Variants in DAB1 observed in about 807,000 individuals in gnomAD.
DAB1 encodes disabled homolog 1.
A neutral mutation model predicts 64.6 loss-of-function variants in DAB1; 15 were observed. That is an observed-to-expected ratio of 0.23 (90% confidence interval 0.16 to 0.36). The LOEUF (loss-of-function observed/expected upper bound fraction) is 0.36. Among genes scored for constraint, DAB1 ranks in the 10% least tolerant of loss-of-function variants. The probability of loss-of-function intolerance (pLI) is 1.00; values close to 1 mark genes in which losing one functional copy is unlikely to be tolerated. For missense variants in DAB1, 596 were observed against 706.7 expected (o/e 0.84, Z 1.78); for synonymous variants, 235 against 251.9 (o/e 0.93, Z 0.64).
At chr1:58,512,793 T>C (rs1646100894) in intron 2 of DAB1, among the ~76,000 whole-genome samples, 1 of 152,180 alleles carries the variant, frequency 6.6e-6, no homozygotes. Flanking sequence ...AAAGTCTCAG[T>C]TCTGCAAAAT....
intron 2 of DAB1, among the ~76,000 whole-genome samples, chr1:57,234,469 T>A (rs966064640): frequency 6.6e-6 from 1 of 152,158 alleles, no homozygotes; most frequent in Non-Finnish European, 1.5e-5. Flanking sequence ...TTGTATTGAG[T>A]GCTTTAGTTT....
intron 3 of DAB1, among the ~76,000 whole-genome samples, chr1:58,345,945 T>A (rs1173936773): frequency 6.6e-6 from 1 of 152,148 alleles, no homozygotes; most frequent in African/African-American, 2.4e-5. Context: ...AAGAGCAGCT[T>A]CCAGGGACAG....
chr1:57,700,323 T>C lies in DAB1; in HGVS notation n.552-50658A>G, dbSNP rs572903375. ...TAAGTTTAATACAAAACAAAAACCT[T>C]GGTAACAATCATTGTATGTGTCTCA... On this transcript the variant is annotated intron_variant and non_coding_transcript_variant, in intron 6 of 20. Coordinates refer to the DAB1 transcript ENST00000485760. Among the ~76,000 whole-genome samples the C allele has an allele frequency of 2.0e-5, 3 of 152,326 alleles. No individual in the cohort carries two copies. The South Asian group carries it at 6.2e-4, about 32-fold the overall frequency.
At chr1:57,964,081 C>T (rs903156743) in intron 5 of DAB1, among the ~76,000 whole-genome samples, 5 of 152,090 alleles carry the variant, frequency 3.3e-5, no homozygotes, top group Admixed American at 3.3e-4. Context: ...AGGGGAGGAG[C>T]AAGGACATGG....
chr1:57,735,655 A>G (rs985421961), intron 6 of DAB1, among the ~76,000 whole-genome samples: 15 of 135,672 alleles, frequency 1.1e-4, no homozygotes, highest in African/African-American at 4.1e-4. Flanking sequence ...TTCTGATTTT[A>G]AAGTCACTCT....
chr1:57,999,070 C>T (rs999786854), intron 5 of DAB1, among the ~76,000 whole-genome samples: 1 of 152,170 alleles, frequency 6.6e-6, no homozygotes. Flanking sequence ...GTGAATATAT[C>T]CATATACATT....
rs1553193809 is a variant in DAB1 at position 57,553,508 on chromosome 1, G to GGAAGGAAGGAAGAA, written n.625+96083_625+96084insTTCTTCCTTCCTTC. Among the ~76,000 whole-genome samples, 110 of 147,602 alleles carry GGAAGGAAGGAAGAA rather than the reference G, an allele frequency of 7.5e-4. 3 individuals are homozygous for GGAAGGAAGGAAGAA. Among genetic ancestry groups the GGAAGGAAGGAAGAA allele is most frequent in the Non-Finnish European group, 1.4e-3 (91 of 66,748 alleles). ...AGGAAGGAAGGAAGGAAGGAAGGAA[G>GGAAGGAAGGAAGAA]AGAGAGAGAGAAGAGGCATGTACAA... On this transcript the variant is annotated intron_variant and non_coding_transcript_variant, in intron 7 of 20. Coordinates refer to the DAB1 transcript ENST00000485760.
At chr1:58,041,689 T>A (rs2100505328) in intron 5 of DAB1, among the ~76,000 whole-genome samples, 1 of 152,306 alleles carries the variant, frequency 6.6e-6, no homozygotes, top group East Asian at 1.9e-4. Context: ...AAGAAGGGCC[T>A]CCTTGACAAT....
At chr1:57,377,774 C>G (rs755522774) in intron 1 of DAB1, among the ~76,000 whole-genome samples, 1 of 152,090 alleles carries the variant, frequency 6.6e-6, no homozygotes. Flanking sequence ...TCTGCAAAGG[C>G]GTGGGCAGAG....
intron 5 of DAB1, among the ~76,000 whole-genome samples, chr1:58,026,669 T>A (rs1349043433): frequency 6.6e-6 from 1 of 152,220 alleles, no homozygotes. Flanking sequence ...CCATTTCCAT[T>A]TCTGAAGGGC....
At chr1:58,538,794 C>A in intron 1 of DAB1, 1 of 760,730 alleles carries the variant, frequency 1.3e-6, no homozygotes, top group Non-Finnish European at 2.2e-6. Context: ...AAGCATTTTA[C>A]CTGCCTACAA....
At chr1:57,060,306 A>G (rs1353420496) in intron 9 of DAB1, among the ~76,000 whole-genome samples, 1 of 151,824 alleles carries the variant, frequency 6.6e-6, no homozygotes, top group Admixed American at 6.6e-5. Flanking sequence ...ATGCCTCACC[A>G]TGCCCGGCTA....
At chr1:58,306,739 G>A (rs111868832) in intron 4 of DAB1, among the ~76,000 whole-genome samples, 3,357 of 152,228 alleles carry the variant, frequency 0.022, 117 homozygotes, top group African/African-American at 0.073. Context: ...ATGGTTTCTT[G>A]TAGGATCTCC....
rs553506719 is a variant in DAB1 at position 58,009,564 on chromosome 1, T to G, written n.388-125402A>C. 3.9e-5 allele frequency among the ~76,000 whole-genome samples: 6 copies of G among 152,318 alleles called. No individual in the cohort carries two copies. In the South Asian group the frequency reaches 1.2e-3, roughly 32 times the overall value. On this transcript the variant is annotated intron_variant and non_coding_transcript_variant, in intron 5 of 20. Coordinates refer to the DAB1 transcript ENST00000485760. ...CATGCATGTAAAGATCTTTTGATAATATCAAGTATTGTAAGAAAAAGGCTC... is the reference window on the plus strand; with the variant it reads ...CATGCATGTAAAGATCTTTTGATAAGATCAAGTATTGTAAGAAAAAGGCTC...
chr1:58,523,119 C>T (rs1374640651), intron 2 of DAB1, among the ~76,000 whole-genome samples: 1 of 152,186 alleles, frequency 6.6e-6, no homozygotes, highest in Admixed American at 6.5e-5. Flanking sequence ...ATTTTGGAAG[C>T]ACTCATCTCC....
chr1:58,181,292 G>C (rs890422609), intron 4 of DAB1, among the ~76,000 whole-genome samples: 1 of 151,916 alleles, frequency 6.6e-6, no homozygotes, highest in African/African-American at 2.4e-5. Flanking sequence ...TGTTTGCATG[G>C]TATATCTTTT....
chr1:57,035,563 A>AT (rs1647114194), intron 9 of DAB1, among the ~76,000 whole-genome samples: 1 of 152,066 alleles, frequency 6.6e-6, no homozygotes, highest in Admixed American at 6.6e-5. Flanking sequence ...GAACAAATGC[A>AT]TTTTTTTGGA....
At chr1:57,368,156 C>G (rs1403871293) in intron 1 of DAB1, among the ~76,000 whole-genome samples, 3 of 152,222 alleles carry the variant, frequency 2.0e-5, no homozygotes, top group Non-Finnish European at 2.9e-5. Flanking sequence ...ACCTCAGCCC[C>G]CTTCTGGACT....
At chr1:57,665,365 G>T (rs554873349) in intron 6 of DAB1, among the ~76,000 whole-genome samples, 1 of 152,096 alleles carries the variant, frequency 6.6e-6, no homozygotes, top group Non-Finnish European at 1.5e-5. Flanking sequence ...CTAGTAGGGA[G>T]ATAAGTATGC....
Sources: gnomAD v4.1 joint callset for allele counts (sites outside exome capture counted in the v4.1 genomes callset) on GRCh38, gnomAD v4.1.1 for gene constraint, MANE v1.5 for transcripts, NCBI Gene and HGNC (gene_info 2026-07-23, HGNC 2026-07-21) for gene names.